Variants in EPN1 observed in about 807,000 individuals in gnomAD.
EPN1 encodes the protein epsin 1, also known as epsin-1.
EPN1 carries 25 observed loss-of-function variants against 56.9 expected under a neutral mutation model. The observed-to-expected ratio is 0.44, with a 90% confidence interval of 0.32 to 0.61. The LOEUF (loss-of-function observed/expected upper bound fraction) is 0.61, where lower values mean the gene tolerates loss of function less well. Among genes scored for constraint, EPN1 ranks in the 20% least tolerant of loss-of-function variants. EPN1 has a pLI of 0.05. For missense variants in EPN1, 785 were observed against 823.7 expected, an observed-to-expected ratio of 0.95 and a Z score of 0.58; for synonymous variants, 411 against 361.8, an observed-to-expected ratio of 1.14 and a Z score of -1.54.
rs1244377887 is a variant in EPN1 at position 55,675,426 on chromosome 19, G to A, written c.-111G>A. On this transcript the variant is annotated 5_prime_UTR_variant, in exon 1 of 11. Transcript: ENST00000270460. ...CATGACCCCCCAGAGCCCGGCGTGAGGGGGCCGAGGTGAGCGCGGGGCGGA... is the reference window on the plus strand; with the variant it reads ...CATGACCCCCCAGAGCCCGGCGTGAAGGGGCCGAGGTGAGCGCGGGGCGGA... 1.3e-5 allele frequency: 2 copies of A among 151,970 alleles called. No homozygotes were observed. The highest frequency in any genetic ancestry group is 2.4e-5 in the African/African-American group (1 of 41,380). The allele number at this position is 151,970 out of a possible 1,614,324, so 9.4% of individuals were successfully genotyped here.
chr19:55,693,357 C>T (rs1057347864), intron 9 of EPN1: 7 of 331,512 alleles, frequency 2.1e-5, no homozygotes, highest in Admixed American at 4.4e-5. Flanking sequence ...TCAAAGAACA[C>T]GGACTGTCTT....
chr19:55,695,479 C>T lies in EPN1; in HGVS notation c.*123C>T, dbSNP rs1156518258. ...CCCAGTGCCCTTCCCCTTCCTGGGG[C>T]CCACTCACACTACACCCTCTTCCTT... On this transcript the variant is annotated 3_prime_UTR_variant, in exon 11 of 11. Coordinates refer to ENST00000270460, the MANE Select transcript of EPN1 (RefSeq NM_001130072.2). This position sits in a 1 kb window ranked among gnomAD's most constrained non-coding sequence, Gnocchi z 4.4. The T allele has an allele frequency of 8.1e-6, 5 of 618,674 alleles. No individual in the cohort carries two copies. Among genetic ancestry groups the T allele is most frequent in the Non-Finnish European group, 1.4e-5 (5 of 351,246 alleles). 38.3% of individuals were successfully genotyped at this position (618,674 alleles called of 1,614,324 possible). A position where few individuals can be genotyped will look rare whatever the true frequency, so the allele number is the denominator to read the frequency against.
intron 1 of EPN1, among the ~76,000 whole-genome samples, chr19:55,678,252 C>G (rs919022784): frequency 1.3e-5 from 2 of 152,206 alleles, no homozygotes; most frequent in African/African-American, 4.8e-5. Flanking sequence ...TGCAAAAGAT[C>G]CAGCCCGCCC....
rs926536669 is a variant in EPN1, at chr19:55,691,022, G to T, written c.763-732G>T. Among the ~76,000 whole-genome samples the T allele has an allele frequency of 6.6e-6, 1 of 152,140 alleles. No individual in the cohort carries two copies. Among genetic ancestry groups the T allele is most frequent in the Non-Finnish European group, 1.5e-5 (1 of 68,026 alleles). ...CCCCGCCGGGGCCTTTGCCTCACGG[G>T]TGCTGACTGGAGATGTGTGCATGAG... On this transcript the variant is annotated intron_variant, in intron 6 of 10. Coordinates refer to ENST00000270460, the MANE Select transcript of EPN1 (RefSeq NM_001130072.2). This position sits in a 1 kb window ranked among gnomAD's most constrained non-coding sequence, Gnocchi z 5.6.
Position 55,678,821 on chromosome 19 carries a change from A to G in EPN1, c.194A>G (p.Asn65Ser), listed in dbSNP as rs369964035. 4 of 1,613,556 alleles carry G rather than the reference A, an allele frequency of 2.5e-6. No individual in the cohort carries two copies. The highest frequency in any genetic ancestry group is 3.4e-6 in the Non-Finnish European group (4 of 1,179,548). The change falls in exon 2 of 11, where the codon AAT becomes AGT. Residue 65 changes from asparagine to serine, a missense_variant. Physicochemically the swap from Asn to Ser is conservative, Grantham distance 46 (BLOSUM62 1). Transcript: ENST00000270460. ...EIMSMIWKRL[N>S]DHGKNWRHVY... ...ATGAGCATGATCTGGAAGCGGCTCA[A>G]TGACCATGGCAAGAACTGGCGTCAC...
intron 2 of EPN1, 40 bp downstream of exon 2, chr19:55,678,895 T>C (rs1985615849): frequency 6.8e-7 from 1 of 1,469,088 alleles, no homozygotes; most frequent in Admixed American, 1.8e-5. Flanking sequence ...GTGCAGGGGC[T>C]CAGGTGGGAG....
Position 55,689,477 on chromosome 19 carries a change from A to C in EPN1, c.678+106A>C. On this transcript the variant is annotated intron_variant, in intron 5 of 10. Transcript: ENST00000270460. This position sits in a 1 kb window ranked among gnomAD's most constrained non-coding sequence, Gnocchi z 5.7. ...CACCATCCTGCTGGGCCCGAAGCCC[A>C]CAGGCTCACGCGTGTTGAAACCTCA... 1 of 843,362 alleles carries C rather than the reference A, an allele frequency of 1.2e-6. No individual in the cohort carries two copies. Among genetic ancestry groups the C allele is most frequent in the Non-Finnish European group, 1.9e-6 (1 of 516,538 alleles). The allele number at this position is 843,362 out of a possible 1,614,324, so 52.2% of individuals were successfully genotyped here.
chr19:55,679,592 C>T (rs1176863850), intron 2 of EPN1, among the ~76,000 whole-genome samples: 1 of 152,240 alleles, frequency 6.6e-6, no homozygotes, highest in Non-Finnish European at 1.5e-5. Context: ...AGGCCCCACC[C>T]TCATGCGCTT....
Position 55,699,334 on chromosome 19 carries a change from T to A in EPN1, c.*3978T>A, listed in dbSNP as rs1489215776. 2 of 152,198 alleles carry A rather than the reference T, an allele frequency of 1.3e-5. No individual in the cohort carries two copies. Among genetic ancestry groups the A allele is most frequent in the Non-Finnish European group, 2.9e-5 (2 of 68,046 alleles). 9.4% of individuals were successfully genotyped at this position (152,198 alleles called of 1,614,324 possible). A position where few individuals can be genotyped will look rare whatever the true frequency, so the allele number is the denominator to read the frequency against. On this transcript the variant is annotated 3_prime_UTR_variant, in exon 11 of 11. Coordinates refer to ENST00000270460, the MANE Select transcript of EPN1 (RefSeq NM_001130072.2). ...CGCAGGCATCTCCCCCACACGTGCT[T>A]CTAGCTTCCCGGGTGTGGCGTGAGC...
rs7256617 is a variant in EPN1 at position 55,707,886 on chromosome 19, G to A, written c.*12530G>A. ...TCTTAAAGTCCTGACCTGGTGATCC[G>A]CCCGCGTGGACCTCCCAAAGTGCTG... On this transcript the variant is annotated 3_prime_UTR_variant, in exon 11 of 11. Coordinates refer to ENST00000270460, the MANE Select transcript of EPN1 (RefSeq NM_001130072.2). 1,128 of 153,970 alleles carry A rather than the reference G, an allele frequency of 7.3e-3. 12 individuals carry two copies. The highest frequency in any genetic ancestry group is 0.023 in the African/African-American group (959 of 41,640). The allele number at this position is 153,970 out of a possible 1,614,324, so 9.5% of individuals were successfully genotyped here. A position where few individuals can be genotyped will look rare whatever the true frequency, so the allele number is the denominator to read the frequency against.
At chr19:55,686,150 T>C (rs1986154553) in intron 3 of EPN1, among the ~76,000 whole-genome samples, 1 of 152,208 alleles carries the variant, frequency 6.6e-6, no homozygotes, top group Non-Finnish European at 1.5e-5. Context: ...GGTGGAGGAC[T>C]CAGTCTGGTG....
rs1462352650 is a variant in EPN1, at chr19:55,678,869, T to C, written c.228+14T>C. ...CACGTTTACAAGGTCAGCATCCTGCTCTCCTCCCCGGGCAGGTGCAGGGGC... is the reference window on the plus strand; with the variant it reads ...CACGTTTACAAGGTCAGCATCCTGCCCTCCTCCCCGGGCAGGTGCAGGGGC... On this transcript the variant is annotated intron_variant, in intron 2 of 10. Coordinates refer to ENST00000270460, the MANE Select transcript of EPN1 (RefSeq NM_001130072.2). 2 of 1,578,220 alleles carry C rather than the reference T, an allele frequency of 1.3e-6. No individual in the cohort carries two copies. The highest frequency in any genetic ancestry group is 1.2e-5 in the South Asian group (1 of 86,952).
chr19:55,707,936 C>G lies in EPN1; in HGVS notation c.*12580C>G, dbSNP rs1029101788. On this transcript the variant is annotated 3_prime_UTR_variant, in exon 11 of 11. Coordinates refer to ENST00000270460, the MANE Select transcript of EPN1 (RefSeq NM_001130072.2). ...GGAATTACAGGCGTGAGCCACCACTCCTGGCCTATGCCAGCATTCTTTAAA... is the reference window on the plus strand; with the variant it reads ...GGAATTACAGGCGTGAGCCACCACTGCTGGCCTATGCCAGCATTCTTTAAA... 6.5e-6 allele frequency: 1 copy of G among 152,746 alleles called. No individual in the cohort carries two copies. Among genetic ancestry groups the G allele is most frequent in the Non-Finnish European group, 1.5e-5 (1 of 68,226 alleles). The allele number at this position is 152,746 out of a possible 1,614,324, so 9.5% of individuals were successfully genotyped here. A position where few individuals can be genotyped will look rare whatever the true frequency, so the allele number is the denominator to read the frequency against.
chr19:55,685,342 C>G, intron 2 of EPN1, 54 bp from the exon 3 acceptor site: 1 of 1,574,896 alleles, frequency 6.3e-7, no homozygotes, highest in Non-Finnish European at 8.6e-7. Flanking sequence ...CAGGCAGTCT[C>G]TGGCCCGCCT....
intron 1 of EPN1, chr19:55,677,288 A>G (rs1568562431): frequency 2.2e-6 from 2 of 917,826 alleles, no homozygotes; most frequent in South Asian, 2.8e-5. Flanking sequence ...GCTATGAATC[A>G]TGGGGTTGTT....
At chr19:55,678,902 G>A (rs752912317) in intron 2 of EPN1, 47 bp downstream of exon 2, 7 of 1,367,770 alleles carry the variant, frequency 5.1e-6, no homozygotes, top group Non-Finnish European at 7.1e-6. Context: ...GGCTCAGGTG[G>A]GAGGACAGGA....
At chr19:55,687,761 C>T (rs1384964879) in intron 3 of EPN1, among the ~76,000 whole-genome samples, 1 of 152,196 alleles carries the variant, frequency 6.6e-6, no homozygotes, top group African/African-American at 2.4e-5. Flanking sequence ...CTCATAACCC[C>T]AGATGGTCAC....
rs758263997 is a variant in EPN1 at position 55,688,924 on chromosome 19, C to T, written c.533C>T (p.Pro178Leu). Residue 178 changes from proline (P) to leucine (L), a missense_variant, in exon 4 of 11, where the codon CCG (proline) becomes CTG (leucine). Coordinates refer to ENST00000270460, the MANE Select transcript of EPN1 (RefSeq NM_001130072.2). ...CCTCCCGAGGCGGAGCAGGCGTGGC[C>T]GCAGAGCAGCGGGGAGGAGGAGCTG... Reference protein sequence around the residue: ...GPPPEAEQAWPQSSGEEELQL... With the variant: ...GPPPEAEQAWLQSSGEEELQL... The T allele has an allele frequency of 3.8e-6, 6 of 1,591,530 alleles. No individual in the cohort carries two copies. The highest frequency in any genetic ancestry group is 1.3e-5 in the African/African-American group (1 of 74,736).
Position 55,695,129 on chromosome 19 carries a change from T to C in EPN1, c.1523-19T>C. The C allele has an allele frequency of 1.2e-6, 2 of 1,613,644 alleles. No individual in the cohort carries two copies. Among genetic ancestry groups the C allele is most frequent in the Non-Finnish European group, 1.7e-6 (2 of 1,179,750 alleles). ...CGCCACTGACTCCACTCCGTGTCTC[T>C]GGTTTACTCTTCCTGCAGGAGGCCC... On this transcript the variant is annotated intron_variant, in intron 10 of 10. Transcript: ENST00000270460. This position sits in a 1 kb window ranked among gnomAD's most constrained non-coding sequence, Gnocchi z 4.4.
Sources: gnomAD v4.1 joint callset for allele counts (sites outside exome capture counted in the v4.1 genomes callset) on GRCh38, gnomAD v4.1.1 for gene constraint, Gnocchi (gnomAD v3.1) non-coding constraint, MANE v1.5 for transcripts, NCBI Gene and HGNC (gene_info 2026-07-23, HGNC 2026-07-21) for gene names.